The following PRICKLE1 variants were observed in gnomAD, a reference collection of about 807,000 sequenced individuals.
The protein encoded by PRICKLE1 is prickle planar cell polarity protein 1, also known as prickle-like protein 1.
A neutral mutation model predicts 70.2 loss-of-function variants in PRICKLE1; 14 were observed. The ratio of observed to expected loss-of-function variants is 0.20; its 90% confidence interval spans 0.13 to 0.31. PRICKLE1 has a LOEUF of 0.31. Ranked by LOEUF, PRICKLE1 falls within the 10% of genes least tolerant of loss-of-function variation. The probability of loss-of-function intolerance (pLI) is 1.00; values close to 1 mark genes in which losing one functional copy is unlikely to be tolerated. For synonymous variants in PRICKLE1, 357 were observed against 379.9 expected, an observed-to-expected ratio of 0.94 and a Z score of 0.70; for missense variants, 821 against 1,026.2, an observed-to-expected ratio of 0.80 and a Z score of 2.73.
chr12:42,459,557 G>A lies in PRICKLE1; in HGVS notation c.*252C>T, dbSNP rs558237556. 11 of 618,128 alleles carry A rather than the reference G, an allele frequency of 1.8e-5. No individual in the cohort carries two copies. Among genetic ancestry groups the A allele is most frequent in the Admixed American group, 1.7e-4 (6 of 35,626 alleles). 38.3% of individuals were successfully genotyped at this position (618,128 alleles called of 1,614,324 possible). A position where few individuals can be genotyped will look rare whatever the true frequency, so the allele number is the denominator to read the frequency against. Reference sequence around the variant, plus strand: ...AGGACTGGAAAACCAAAGCAGCTACGTCCATCTGTAACGCACCCGCACCGG... The same window carrying A: ...AGGACTGGAAAACCAAAGCAGCTACATCCATCTGTAACGCACCCGCACCGG... On this transcript the variant is annotated 3_prime_UTR_variant, in exon 8 of 8. Coordinates refer to ENST00000345127, the MANE Select transcript of PRICKLE1 (RefSeq NM_153026.3).
intron 7 of PRICKLE1, among the ~76,000 whole-genome samples, chr12:42,461,163 G>T (rs973601223): frequency 1.3e-5 from 2 of 152,224 alleles, no homozygotes; most frequent in African/African-American, 4.8e-5. Context: ...TTACAGGTAT[G>T]AGCCACTGCA....
intron 1 of PRICKLE1, among the ~76,000 whole-genome samples, chr12:42,511,420 A>C (rs1203036042): frequency 6.6e-6 from 1 of 152,336 alleles, no homozygotes; most frequent in South Asian, 2.1e-4. Flanking sequence ...AATAAGAATA[A>C]AAGACTATAC....
At chr12:42,511,435 T>C (rs1234177199) in intron 1 of PRICKLE1, among the ~76,000 whole-genome samples, 2 of 152,234 alleles carry the variant, frequency 1.3e-5, no homozygotes, top group African/African-American at 2.4e-5. Context: ...CTATACTGGC[T>C]TGCAGGATGC....
chr12:42,459,418 C>T lies in PRICKLE1; in HGVS notation c.*391G>A, dbSNP rs971387169. The T allele has an allele frequency of 6.2e-5, 43 of 696,380 alleles. No homozygotes were observed. The highest frequency in any genetic ancestry group is 2.3e-4 in the Middle Eastern group (1 of 4,342). The allele number at this position is 696,380 out of a possible 1,614,324, so 43.1% of individuals were successfully genotyped here. A position where few individuals can be genotyped will look rare whatever the true frequency, so the allele number is the denominator to read the frequency against. ...CAAGACGGACTATCAAGACCTGAGC[C>T]GACCTGACTTACATAAATGACAAAC... On this transcript the variant is annotated 3_prime_UTR_variant, in exon 8 of 8. Coordinates refer to ENST00000345127, the MANE Select transcript of PRICKLE1 (RefSeq NM_153026.3).
At chr12:42,486,043 T>C (rs1490899142) in intron 1 of PRICKLE1, among the ~76,000 whole-genome samples, 1 of 152,178 alleles carries the variant, frequency 6.6e-6, no homozygotes, top group Non-Finnish European at 1.5e-5. Context: ...CAGCATCCTT[T>C]TGTTTCAGCC....
At chr12:42,543,125 G>T (rs774306807) in intron 1 of PRICKLE1, among the ~76,000 whole-genome samples, 3 of 152,172 alleles carry the variant, frequency 2.0e-5, no homozygotes, top group Admixed American at 1.3e-4. Flanking sequence ...CCAGTCTTCA[G>T]CCCTGTGAGA....
At chr12:42,580,052 T>A (rs1940873224) in intron 1 of PRICKLE1, among the ~76,000 whole-genome samples, 1 of 152,040 alleles carries the variant, frequency 6.6e-6, no homozygotes, top group Non-Finnish European at 1.5e-5. Context: ...TTTGTTTTTT[T>A]TTAGTAGAGG....
chr12:42,572,344 G>A (rs1940730524), intron 1 of PRICKLE1, among the ~76,000 whole-genome samples: 2 of 151,792 alleles, frequency 1.3e-5, no homozygotes, highest in Admixed American at 6.6e-5. Flanking sequence ...GCTGAGGCAG[G>A]AGAATCACTT....
intron 1 of PRICKLE1, among the ~76,000 whole-genome samples, chr12:42,538,337 T>G (rs1940049987): frequency 6.6e-6 from 1 of 152,180 alleles, no homozygotes; most frequent in South Asian, 2.1e-4. Flanking sequence ...ATGGTCTCCA[T>G]CATTGCAGAA....
At chr12:42,517,975 A>ATAAT (rs1342290212) in intron 1 of PRICKLE1, among the ~76,000 whole-genome samples, 8 of 152,050 alleles carry the variant, frequency 5.3e-5, no homozygotes, top group Non-Finnish European at 1.2e-4. Flanking sequence ...GCCTGGGTTT[A>ATAAT]TAATTCCAAA....
intron 1 of PRICKLE1, among the ~76,000 whole-genome samples, chr12:42,498,091 C>T (rs1158314512): frequency 6.6e-6 from 1 of 150,616 alleles, no homozygotes; most frequent in Non-Finnish European, 1.5e-5. Flanking sequence ...CTCAAGCGAT[C>T]TCTAGCATCA....
At chr12:42,577,224 AT>A (rs1030262964) in intron 1 of PRICKLE1, among the ~76,000 whole-genome samples, 1 of 152,194 alleles carries the variant, frequency 6.6e-6, no homozygotes, top group African/African-American at 2.4e-5. Context: ...CACATTTGTA[AT>A]TTTTAGCATA....
chr12:42,523,648 T>C (rs1939750362), intron 1 of PRICKLE1, among the ~76,000 whole-genome samples: 1 of 152,120 alleles, frequency 6.6e-6, no homozygotes, highest in Non-Finnish European at 1.5e-5. Flanking sequence ...TATGGGTGCA[T>C]TAAAGGGTAA....
At chr12:42,469,413 C>T in intron 4 of PRICKLE1, 37 bp downstream of exon 4, 1 of 1,612,806 alleles carries the variant, frequency 6.2e-7, no homozygotes, top group Non-Finnish European at 8.5e-7. Context: ...ATCCACATCA[C>T]TGCCACAAGC....
chr12:42,518,914 T>A (rs1939658783), intron 1 of PRICKLE1, among the ~76,000 whole-genome samples: 1 of 152,196 alleles, frequency 6.6e-6, no homozygotes, highest in African/African-American at 2.4e-5. Context: ...AATGCCACTA[T>A]CAGGTACACT....
chr12:42,465,001 G>A lies in PRICKLE1; in HGVS notation c.1033C>T (p.Gln345Ter). Residue 345 changes from glutamine to a stop codon, truncating the protein, a stop_gained, in exon 7 of 8, where the codon CAG (glutamine) becomes TAG (stop). Transcript: ENST00000345127. LOFTEE classifies it high-confidence loss of function. ...RMGKSSRSAD[Q>*]CRQSLLLSPA... The stretch of plus-strand genomic sequence containing the variant: ...GATAAGAGGAGAGACTGTCTACACT[G>A]ATCTGCTGACCGGCTGCTCTTGCCC... 1 of 1,609,296 alleles carries A rather than the reference G, an allele frequency of 6.2e-7. No individual in the cohort carries two copies. Among genetic ancestry groups the A allele is most frequent in the South Asian group, 1.1e-5 (1 of 90,188 alleles).
At chr12:42,460,698 C>A in intron 7 of PRICKLE1, 33 bp from the exon 8 acceptor site, 2 of 1,602,158 alleles carry the variant, frequency 1.2e-6, no homozygotes, top group Non-Finnish European at 1.7e-6. Flanking sequence ...ATGTGCTTCT[C>A]AATCATCCTA....
chr12:42,550,946 C>A (rs1007391045), intron 1 of PRICKLE1, among the ~76,000 whole-genome samples: 3 of 152,170 alleles, frequency 2.0e-5, no homozygotes, highest in African/African-American at 7.2e-5. Flanking sequence ...TAATTGCAAT[C>A]ATTTACTTTC....
intron 1 of PRICKLE1, among the ~76,000 whole-genome samples, chr12:42,579,005 T>G (rs1940854159): frequency 6.6e-6 from 1 of 152,132 alleles, no homozygotes; most frequent in Non-Finnish European, 1.5e-5. Context: ...TCAGGTGATC[T>G]GCCCACTTCG....
Sources: gnomAD v4.1 joint callset for allele counts (sites outside exome capture counted in the v4.1 genomes callset) on GRCh38, gnomAD v4.1.1 for gene constraint, MANE v1.5 for transcripts, NCBI Gene and HGNC (gene_info 2026-07-23, HGNC 2026-07-21) for gene names.